The following PDE5A variants were observed in gnomAD, a reference collection of about 807,000 sequenced individuals.
PDE5A encodes the protein cGMP-specific 3',5'-cyclic phosphodiesterase.
PDE5A carries 67 observed loss-of-function variants against 110.2 expected under a neutral mutation model. The observed-to-expected ratio is 0.61, with a 90% CI of 0.50 to 0.75. The LOEUF (loss-of-function observed/expected upper bound fraction) is 0.75. Ranked by LOEUF, PDE5A falls within the 30% of genes least tolerant of loss-of-function variation. PDE5A has a pLI of 0.00. For missense variants in PDE5A, 862 were observed against 1,045.1 expected, an observed-to-expected ratio of 0.82 and a Z score of 2.42; for synonymous variants, 328 against 351.2, an observed-to-expected ratio of 0.93 and a Z score of 0.74.
Position 119,601,704 on chromosome 4 carries a change from G to A in PDE5A, c.741+5005C>T, listed in dbSNP as rs1729355132. The stretch of plus-strand genomic sequence containing the variant: ...AGTCGGGGCAGGCTTGTGGGATTGA[G>A]CCCTTAACATGTAGGGTCAGTGCTA... On this transcript the variant is annotated intron_variant, in intron 2 of 20. Transcript: ENST00000354960. Among the ~76,000 whole-genome samples, 3 of 152,254 alleles carry A rather than the reference G, an allele frequency of 2.0e-5. No homozygotes were observed. In the South Asian group the frequency reaches 6.2e-4, roughly 32 times the overall value.
intron 3 of PDE5A, among the ~76,000 whole-genome samples, chr4:119,585,965 T>G (rs895410687): frequency 6.6e-6 from 1 of 152,150 alleles, no homozygotes; most frequent in African/African-American, 2.4e-5. Flanking sequence ...TGAAAATGGA[T>G]GATCAAGCAT....
intron 11 of PDE5A, among the ~76,000 whole-genome samples, chr4:119,526,428 T>A (rs1726321743): frequency 6.6e-6 from 1 of 152,098 alleles, no homozygotes; most frequent in South Asian, 2.1e-4. Flanking sequence ...CAGGCTCCTC[T>A]CCTAGATGTT....
intron 4 of PDE5A, among the ~76,000 whole-genome samples, chr4:119,566,761 G>C (rs1422424153): frequency 6.6e-6 from 1 of 152,190 alleles, no homozygotes; most frequent in African/African-American, 2.4e-5. Context: ...CTCTATAGCA[G>C]TGATGAAAGG....
At chr4:119,598,304 TCA>T (rs1729224511) in intron 2 of PDE5A, among the ~76,000 whole-genome samples, 1 of 152,166 alleles carries the variant, frequency 6.6e-6, no homozygotes, top group African/African-American at 2.4e-5. Context: ...GTTCTGAATT[TCA>T]CTCTCCAGTG....
intron 9 of PDE5A, chr4:119,548,506 G>A (rs1372219117): frequency 2.0e-5 from 3 of 152,190 alleles, no homozygotes; most frequent in African/African-American, 7.2e-5. Flanking sequence ...TACTTTGTTT[G>A]ATAGAAATAT....
chr4:119,503,693 T>G (rs933488516), intron 18 of PDE5A, among the ~76,000 whole-genome samples: 1 of 152,142 alleles, frequency 6.6e-6, no homozygotes, highest in African/African-American at 2.4e-5. Flanking sequence ...ATGTCAGTAC[T>G]CAAAATGCTT....
chr4:119,586,009 G>A (rs920409464), intron 3 of PDE5A, among the ~76,000 whole-genome samples: 4 of 152,132 alleles, frequency 2.6e-5, no homozygotes, highest in African/African-American at 4.8e-5. Context: ...TCCTGACCGC[G>A]TGAGATACCT....
chr4:119,535,226 A>C (rs981641855), intron 11 of PDE5A, among the ~76,000 whole-genome samples: 1 of 152,128 alleles, frequency 6.6e-6, no homozygotes, highest in Non-Finnish European at 1.5e-5. Context: ...TATTTAGTAC[A>C]GATTTAATGA....
At chr4:119,608,515 T>C (rs1405982245) in intron 1 of PDE5A, among the ~76,000 whole-genome samples, 2 of 152,172 alleles carry the variant, frequency 1.3e-5, no homozygotes, top group African/African-American at 4.8e-5. Context: ...ATAAAAATAC[T>C]AATTTTATCT....
chr4:119,578,645 C>G (rs1467418663), intron 3 of PDE5A, among the ~76,000 whole-genome samples: 1 of 152,162 alleles, frequency 6.6e-6, no homozygotes, highest in Non-Finnish European at 1.5e-5. Flanking sequence ...ATGTAGAAAG[C>G]TGAAACTGGA....
At chr4:119,602,463 T>C (rs1729379444) in intron 2 of PDE5A, among the ~76,000 whole-genome samples, 1 of 152,140 alleles carries the variant, frequency 6.6e-6, no homozygotes, top group African/African-American at 2.4e-5. Context: ...CACAGATGAC[T>C]TGACAAATTA....
chr4:119,524,777 AT>A (rs1726248250), intron 12 of PDE5A, among the ~76,000 whole-genome samples: 2 of 152,134 alleles, frequency 1.3e-5, no homozygotes, highest in Admixed American at 1.3e-4. Flanking sequence ...AGATTACTGA[AT>A]TCTTTTTTTT....
At chr4:119,538,168 T>C (rs1252078741) in intron 11 of PDE5A, among the ~76,000 whole-genome samples, 1 of 151,998 alleles carries the variant, frequency 6.6e-6, no homozygotes, top group Admixed American at 6.6e-5. Flanking sequence ...GTTATGAAGT[T>C]TACATGAGAA....
intron 16 of PDE5A, among the ~76,000 whole-genome samples, chr4:119,506,617 G>A (rs1164844294): frequency 6.6e-6 from 1 of 151,814 alleles, no homozygotes; most frequent in Non-Finnish European, 1.5e-5. Flanking sequence ...GGGTTCAAAG[G>A]AGAGACCCAT....
intron 3 of PDE5A, among the ~76,000 whole-genome samples, chr4:119,583,762 GAAGT>G (rs1728668004): frequency 6.6e-6 from 1 of 152,198 alleles, no homozygotes; most frequent in African/African-American, 2.4e-5. Flanking sequence ...AAGCTTTGGT[GAAGT>G]ATGTTCAAGA....
At chr4:119,568,202 A>G (rs1728013798) in intron 3 of PDE5A, among the ~76,000 whole-genome samples, 1 of 151,994 alleles carries the variant, frequency 6.6e-6, no homozygotes, top group Non-Finnish European at 1.5e-5. Flanking sequence ...GAATTATGCA[A>G]TTATCCTATA....
At chr4:119,578,206 G>T (rs1414952175) in intron 3 of PDE5A, among the ~76,000 whole-genome samples, 1 of 151,766 alleles carries the variant, frequency 6.6e-6, no homozygotes. Flanking sequence ...ACAAATGGAA[G>T]AACATTCCAT....
At chr4:119,519,741 T>A (rs1346902304) in intron 13 of PDE5A, 1 of 152,130 alleles carries the variant, frequency 6.6e-6, no homozygotes, top group Non-Finnish European at 1.5e-5. Context: ...GAACTCTCAG[T>A]ACTCTAAATA....
intron 3 of PDE5A, among the ~76,000 whole-genome samples, chr4:119,583,170 A>G (rs905426458): frequency 6.6e-6 from 1 of 152,308 alleles, no homozygotes; most frequent in East Asian, 1.9e-4. Context: ...ACCTTCATCA[A>G]TGATCTTCAC....
Sources: allele counts gnomAD v4.1 joint callset (sites outside exome capture counted in the v4.1 genomes callset), GRCh38; gene constraint gnomAD v4.1.1; transcripts MANE v1.5; gene names NCBI Gene and HGNC (gene_info 2026-07-23, HGNC 2026-07-21).